The following PITPNM2 variants were observed in gnomAD, a reference collection of about 807,000 sequenced individuals.
PITPNM2 encodes membrane-associated phosphatidylinositol transfer protein 2.
PITPNM2 carries 35 observed loss-of-function variants against 132.2 expected under a neutral mutation model. The observed-to-expected ratio is 0.26, with a 90% CI of 0.20 to 0.35. The LOEUF is 0.35. Among genes scored for constraint, PITPNM2 ranks in the 10% least tolerant of loss-of-function variants. The pLI is 1.00. For missense variants in PITPNM2, 1,332 were observed against 1,912.0 expected (o/e 0.70, Z 5.66); for synonymous variants, 738 against 799.2 (o/e 0.92, Z 1.29).
Position 123,117,097 on chromosome 12 carries a change from C to CTACTTCCA in PITPNM2, c.-199-6617_-199-6610dup, listed in dbSNP as rs1310043099. On this transcript the variant is annotated intron_variant, in intron 1 of 25. Transcript: ENST00000320201. The surrounding 1 kb of genome is among the most constrained non-coding windows in gnomAD (Gnocchi z 4.7). Reference sequence around the variant, plus strand: ...CTCTCTAGCGGGTTTGCAGGAAGTTCTACTTCCATCATAAGACTCATGAAG... The same window carrying CTACTTCCA: ...CTCTCTAGCGGGTTTGCAGGAAGTTCTACTTCCATACTTCCATCATAAGACTCATGAAG... Among the ~76,000 whole-genome samples the CTACTTCCA allele has an allele frequency of 3.3e-5, 5 of 152,232 alleles. No individual in the cohort carries two copies. Among genetic ancestry groups the CTACTTCCA allele is most frequent in the Non-Finnish European group, 5.9e-5 (4 of 68,050 alleles).
intron 6 of PITPNM2, among the ~76,000 whole-genome samples, chr12:123,007,913 T>A (rs752206104): frequency 2.0e-5 from 3 of 152,160 alleles, no homozygotes; most frequent in Non-Finnish European, 2.9e-5. Flanking sequence ...GTAGCTCACA[T>A]GAGTTCACGA....
chr12:123,097,376 C>A lies in PITPNM2; in HGVS notation c.-96+13009G>T, dbSNP rs1385883357. 6.6e-6 allele frequency among the ~76,000 whole-genome samples: 1 copy of A among 152,172 alleles called. No homozygotes were observed. The highest frequency in any genetic ancestry group is 1.5e-5 in the Non-Finnish European group (1 of 68,040). On this transcript the variant is annotated intron_variant, in intron 2 of 25. Coordinates refer to ENST00000320201, the MANE Select transcript of PITPNM2 (RefSeq NM_020845.3). This position sits in a 1 kb window ranked among gnomAD's most constrained non-coding sequence, Gnocchi z 4.7. ...CCCTTTTATTAGTGATTGCAAAGTG[C>A]TAAGGGGGAAAGACTTTCAGCAGCC... is the stretch of plus-strand genomic sequence containing the variant.
chr12:123,066,571 G>C (rs1016453303), intron 2 of PITPNM2, among the ~76,000 whole-genome samples: 2 of 152,158 alleles, frequency 1.3e-5, no homozygotes, highest in Non-Finnish European at 2.9e-5. Context: ...GAGACAGACA[G>C]ACTCCTCTCT....
Position 123,119,355 on chromosome 12 carries a change from A to ACTTTTTT in PITPNM2, c.-199-8868_-199-8867insAAAAAAG, listed in dbSNP as rs762896348. Among the ~76,000 whole-genome samples, 5 of 129,306 alleles carry ACTTTTTT rather than the reference A, an allele frequency of 3.9e-5. 1 individual carries two copies. The highest frequency in any genetic ancestry group is 1.4e-4 in the African/African-American group (5 of 35,422). 84.8% of individuals were successfully genotyped at this position (129,306 alleles called of 152,430 possible). A position where few individuals can be genotyped will look rare whatever the true frequency, so the allele number is the denominator to read the frequency against. On this transcript the variant is annotated intron_variant, in intron 1 of 25. Transcript: ENST00000320201. ...CTATCTAGAAGCATAGAGGATGGTGATTTTTTTTTTTTTTTTTTTTGAGAC... is the reference window on the plus strand; with the variant it reads ...CTATCTAGAAGCATAGAGGATGGTGACTTTTTTTTTTTTTTTTTTTTTTTTTTGAGAC...
chr12:123,093,251 G>C (rs1566289319), intron 2 of PITPNM2, among the ~76,000 whole-genome samples: 1 of 152,144 alleles, frequency 6.6e-6, no homozygotes, highest in Non-Finnish European at 1.5e-5. Flanking sequence ...CCATCGAGGA[G>C]CTCATTTTTG....
At chr12:123,010,339 C>T (rs1224499903) in intron 5 of PITPNM2, among the ~76,000 whole-genome samples, 2 of 152,206 alleles carry the variant, frequency 1.3e-5, no homozygotes, top group African/African-American at 2.4e-5. Flanking sequence ...CCACCTCAGC[C>T]TCTCAAAGTG....
intron 2 of PITPNM2, among the ~76,000 whole-genome samples, chr12:123,105,113 T>C (rs2042675333): frequency 1.3e-5 from 2 of 152,126 alleles, no homozygotes; most frequent in Non-Finnish European, 2.9e-5. Context: ...CCTTTCTCCC[T>C]GAGCTACCAT....
chr12:123,136,093 G>C (rs2043375444), intron 1 of PITPNM2, among the ~76,000 whole-genome samples: 1 of 152,034 alleles, frequency 6.6e-6, no homozygotes, highest in South Asian at 2.1e-4. Context: ...ACGAGGTCAG[G>C]AGATCAAGAA....
At chr12:123,149,189 G>T (rs187337445) in intron 1 of PITPNM2, among the ~76,000 whole-genome samples, 1 of 152,142 alleles carries the variant, frequency 6.6e-6, no homozygotes, top group African/African-American at 2.4e-5. Flanking sequence ...CTCGACTCCC[G>T]CAGTCCACTT....
At chr12:123,011,189 G>A (rs1399880214) in intron 5 of PITPNM2, among the ~76,000 whole-genome samples, 5 of 152,248 alleles carry the variant, frequency 3.3e-5, no homozygotes, top group African/African-American at 1.2e-4. Flanking sequence ...GGTCGGTTCT[G>A]CTCTAGCCAG....
At chr12:122,995,731 C>T (rs1050165976) in intron 13 of PITPNM2, 71 bp from the exon 14 acceptor site, 24 of 1,479,084 alleles carry the variant, frequency 1.6e-5, no homozygotes, top group Non-Finnish European at 2.2e-5. Flanking sequence ...GTCCTGGAAG[C>T]TGCCTCCTCC....
Position 123,045,603 on chromosome 12 carries a change from C to G in PITPNM2, c.-95-10918G>C, listed in dbSNP as rs535261166. Among the ~76,000 whole-genome samples the G allele has an allele frequency of 5.9e-5, 9 of 152,328 alleles. No homozygotes were observed. The South Asian group carries it at 1.9e-3, about 32-fold the overall frequency. On this transcript the variant is annotated intron_variant, in intron 2 of 25. Transcript: ENST00000320201. The stretch of plus-strand genomic sequence containing the variant: ...GGCCAACATACCTCCCAATAAACTT[C>G]CACTTGGAGCCCACCATGTGCAAGA...
rs112785629 is a variant in PITPNM2 at position 123,126,903 on chromosome 12, T to G, written c.-199-16415A>C. On this transcript the variant is annotated intron_variant, in intron 1 of 25. Transcript: ENST00000320201. ...GACAGCAGTGATGAAGCAGTGTCTG[T>G]TCTCTGGTTTCCAGCAGGAGCAAAA... Among the ~76,000 whole-genome samples the G allele has an allele frequency of 2.1e-3, 315 of 152,328 alleles. 1 individual carries two copies. The highest frequency in any genetic ancestry group is 7.2e-3 in the African/African-American group (298 of 41,568).
At chr12:123,102,777 T>C (rs2042594765) in intron 2 of PITPNM2, among the ~76,000 whole-genome samples, 1 of 152,184 alleles carries the variant, frequency 6.6e-6, no homozygotes, top group African/African-American at 2.4e-5. Flanking sequence ...CTCGATGCAA[T>C]GAGAGGACAC....
chr12:123,029,517 C>T (rs1285427613), intron 3 of PITPNM2, among the ~76,000 whole-genome samples: 1 of 152,196 alleles, frequency 6.6e-6, no homozygotes, highest in Non-Finnish European at 1.5e-5. Flanking sequence ...ACCCGAGAGG[C>T]AAAGGTTGCA....
At position 123,122,925 on chromosome 12, in the gene PITPNM2, T is replaced by C. The variant is rs535684649; in HGVS notation, c.-199-12437A>G. On this transcript the variant is annotated intron_variant, in intron 1 of 25. Transcript: ENST00000320201. ...ACCACTGCCTCGCACTCACACATTG[T>C]AAGTGGGAGTGTAAATTGGTACTAC... is the stretch of plus-strand genomic sequence containing the variant. Among the ~76,000 whole-genome samples the C allele has an allele frequency of 1.1e-4, 16 of 152,350 alleles. 1 individual carries two copies. The South Asian group carries it at 3.3e-3, about 32-fold the overall frequency.
At chr12:123,020,976 C>T (rs567558384) in intron 3 of PITPNM2, among the ~76,000 whole-genome samples, 1 of 139,030 alleles carries the variant, frequency 7.2e-6, no homozygotes, top group Non-Finnish European at 1.5e-5. Flanking sequence ...TTGCAGTGAG[C>T]TGAGATCATG....
In PITPNM2 at chr12:123,108,803, C is replaced by A. The variant is rs772971576; in HGVS notation, c.-96+1582G>T. Among the ~76,000 whole-genome samples, 5 of 152,168 alleles carry A rather than the reference C, an allele frequency of 3.3e-5. No homozygotes were observed. Among genetic ancestry groups the A allele is most frequent in the Admixed American group, 2.6e-4 (4 of 15,268 alleles). On this transcript the variant is annotated intron_variant, in intron 2 of 25. Transcript: ENST00000320201. The surrounding 1 kb of genome is among the most constrained non-coding windows in gnomAD (Gnocchi z 4.4). ...GGCAACTTAAGAGGCCCCATCACAA[C>A]GTGCCCTATCTTCCCAGCAAGGATG...
At chr12:123,140,062 A>T (rs2043470768) in intron 1 of PITPNM2, among the ~76,000 whole-genome samples, 1 of 152,200 alleles carries the variant, frequency 6.6e-6, no homozygotes, top group African/African-American at 2.4e-5. Flanking sequence ...AATCAAGAGG[A>T]CAGCAACGCA....
Sources: allele counts gnomAD v4.1 joint callset (sites outside exome capture counted in the v4.1 genomes callset), GRCh38; gene constraint gnomAD v4.1.1; non-coding constraint Gnocchi (gnomAD v3.1); transcripts MANE v1.5; gene names NCBI Gene and HGNC (gene_info 2026-07-23, HGNC 2026-07-21).